The following NPAS3 variants were observed in gnomAD, a reference collection of about 807,000 sequenced individuals.
The protein encoded by NPAS3 is neuronal PAS domain-containing protein 3.
NPAS3 carries 14 observed loss-of-function variants against 73.1 expected under a neutral mutation model. The ratio of observed to expected loss-of-function variants is 0.19; its 90% CI spans 0.13 to 0.30. The LOEUF (loss-of-function observed/expected upper bound fraction) is 0.30. Among genes scored for constraint, NPAS3 ranks in the 10% least tolerant of loss-of-function variants. The pLI, the probability that NPAS3 is intolerant of heterozygous loss-of-function variation, is 1.00. For synonymous variants in NPAS3, 620 were observed against 541.5 expected (o/e 1.14, Z -2.01); for missense variants, 1,096 against 1,250.0 (o/e 0.88, Z 1.86).
chr14:33,278,182 T>C (rs1013673591), intron 3 of NPAS3, among the ~76,000 whole-genome samples: 1 of 152,142 alleles, frequency 6.6e-6, no homozygotes, highest in African/African-American at 2.4e-5. Flanking sequence ...GAGTTTGGAA[T>C]GGAGGGAATC....
chr14:33,563,537 C>CACACACACACACACACACACACAG, intron 5 of NPAS3, among the ~76,000 whole-genome samples: 13 of 119,698 alleles, frequency 1.1e-4, no homozygotes, highest in East Asian at 6.4e-4. Flanking sequence ...CACACACACA[C>CACACACACACACACACACACACAG]AGAGAGAGAG....
At chr14:33,292,588 G>A (rs1181194372) in intron 3 of NPAS3, among the ~76,000 whole-genome samples, 4 of 152,010 alleles carry the variant, frequency 2.6e-5, no homozygotes, top group Admixed American at 2.0e-4. Context: ...GAAAAGATTG[G>A]CCAGTCAGTG....
chr14:33,714,864 T>G (rs576749887), intron 6 of NPAS3, among the ~76,000 whole-genome samples: 1 of 152,340 alleles, frequency 6.6e-6, no homozygotes, highest in African/African-American at 2.4e-5. Context: ...TTAGATTCAA[T>G]GACATCTCAC....
chr14:33,252,818 A>T (rs535513475), intron 3 of NPAS3, among the ~76,000 whole-genome samples: 7 of 151,172 alleles, frequency 4.6e-5, no homozygotes. Flanking sequence ...TGGAGTCCCC[A>T]GTCTGTATTA....
intron 4 of NPAS3, among the ~76,000 whole-genome samples, chr14:33,438,200 A>G (rs1327072139): frequency 6.6e-6 from 1 of 152,220 alleles, no homozygotes; most frequent in Non-Finnish European, 1.5e-5. Context: ...ATGTGATTTC[A>G]TGTGGAATTC....
At chr14:33,170,905 C>T (rs1355643665) in intron 2 of NPAS3, among the ~76,000 whole-genome samples, 1 of 152,212 alleles carries the variant, frequency 6.6e-6, no homozygotes, top group Non-Finnish European at 1.5e-5. Context: ...TTGATATTTT[C>T]ACCTTCTCCC....
chr14:32,940,286 A>G (rs2035934506), intron 1 of NPAS3, among the ~76,000 whole-genome samples: 1 of 152,184 alleles, frequency 6.6e-6, no homozygotes, highest in African/African-American at 2.4e-5. Context: ...AGGGAAAGGG[A>G]GTTTGTGTTC....
intron 9 of NPAS3, among the ~76,000 whole-genome samples, chr14:33,782,037 A>G (rs2062993624): frequency 1.3e-5 from 2 of 152,206 alleles, no homozygotes; most frequent in African/African-American, 2.4e-5. Flanking sequence ...TGACGCCAAC[A>G]TGGTATGTTA....
At chr14:33,148,580 T>C (rs1467825519) in intron 2 of NPAS3, among the ~76,000 whole-genome samples, 1 of 152,222 alleles carries the variant, frequency 6.6e-6, no homozygotes, top group Non-Finnish European at 1.5e-5. Context: ...CAGATTGTGC[T>C]AAGTAAAATA....
At chr14:33,738,434 G>T (rs1241379330) in intron 7 of NPAS3, among the ~76,000 whole-genome samples, 1 of 151,950 alleles carries the variant, frequency 6.6e-6, no homozygotes, top group East Asian at 1.9e-4. Flanking sequence ...TTCCCTCTGG[G>T]GCTCACCGTA....
chr14:33,018,074 T>G (rs2138235212), intron 1 of NPAS3, among the ~76,000 whole-genome samples: 1 of 152,318 alleles, frequency 6.6e-6, no homozygotes, highest in Admixed American at 6.5e-5. Flanking sequence ...CTTGAATAAT[T>G]TGGCCACATC....
intron 1 of NPAS3, among the ~76,000 whole-genome samples, chr14:33,052,506 T>C (rs1269865353): frequency 6.6e-6 from 1 of 152,218 alleles, no homozygotes; most frequent in African/African-American, 2.4e-5. Context: ...ACCCTACATA[T>C]TAATTCAAGA....
At chr14:33,575,924 GAA>G (rs943792216) in intron 5 of NPAS3, among the ~76,000 whole-genome samples, 8 of 152,266 alleles carry the variant, frequency 5.3e-5, no homozygotes, top group African/African-American at 1.4e-4. Flanking sequence ...GAGAGAGGGT[GAA>G]GAGAGAGAGA....
At chr14:33,574,664 C>CT in intron 5 of NPAS3, among the ~76,000 whole-genome samples, 1 of 152,038 alleles carries the variant, frequency 6.6e-6, no homozygotes, top group Non-Finnish European at 1.5e-5. Flanking sequence ...GCTGAGGCAA[C>CT]TTTAAGTGGA....
At chr14:33,477,634 G>T (rs1372484583) in intron 4 of NPAS3, among the ~76,000 whole-genome samples, 1 of 152,158 alleles carries the variant, frequency 6.6e-6, no homozygotes, top group Non-Finnish European at 1.5e-5. Flanking sequence ...TTCCCTGCTA[G>T]TTCTGATTAA....
At chr14:33,135,172 G>T (rs1251157644) in intron 2 of NPAS3, among the ~76,000 whole-genome samples, 1 of 152,124 alleles carries the variant, frequency 6.6e-6, no homozygotes, top group African/African-American at 2.4e-5. Context: ...TTACTCAGTT[G>T]GCTGTATGCC....
At chr14:33,166,631 G>T (rs1460656160) in intron 2 of NPAS3, among the ~76,000 whole-genome samples, 1 of 152,142 alleles carries the variant, frequency 6.6e-6, no homozygotes, top group Admixed American at 6.5e-5. Context: ...AAAGAGTAAA[G>T]AAATTTACAT....
At chr14:33,293,276 A>G (rs1010294575) in intron 3 of NPAS3, among the ~76,000 whole-genome samples, 7 of 152,212 alleles carry the variant, frequency 4.6e-5, no homozygotes, top group African/African-American at 1.7e-4. Flanking sequence ...GAAGGTATGG[A>G]AAGAGTTATT....
At chr14:33,534,750 C>T (rs547187897) in intron 4 of NPAS3, among the ~76,000 whole-genome samples, 4 of 151,870 alleles carry the variant, frequency 2.6e-5, no homozygotes, top group African/African-American at 9.7e-5. Flanking sequence ...AAGTTTCCAC[C>T]GTGACCACAC....
Sources: allele counts gnomAD v4.1 joint callset (sites outside exome capture counted in the v4.1 genomes callset), GRCh38; gene constraint gnomAD v4.1.1; transcripts MANE v1.5; gene names NCBI Gene and HGNC (gene_info 2026-07-23, HGNC 2026-07-21).